CHD2: variants seen among roughly 807,000 people sequenced by gnomAD.
CHD2 encodes ATP-dependent chromatin remodeler CHD2.
In CHD2, 28 loss-of-function variants were observed where a neutral mutation model predicts 243.9. That is an observed-to-expected ratio of 0.11 (90% CI 0.09 to 0.16). CHD2 has a LOEUF of 0.16. Among genes scored for constraint, CHD2 ranks in the 10% least tolerant of loss-of-function variants. The pLI is 1.00. For synonymous variants in CHD2, 775 were observed against 779.0 expected (o/e 0.99, Z 0.09); for missense variants, 1,386 against 2,209.8 (o/e 0.63, Z 7.47).
chr15:92,906,155 T>C lies in CHD2; in HGVS notation c.62+4856T>C, dbSNP rs569100387. Among the ~76,000 whole-genome samples, 26 of 152,326 alleles carry C rather than the reference T, an allele frequency of 1.7e-4. 1 individual carries two copies. Among genetic ancestry groups the C allele is most frequent in the Admixed American group, 1.7e-3 (26 of 15,298 alleles). ...AATTAAGTTTTTTATAGAACCAGTG[T>C]TCTTAGGTATGTTTGTTGAGCCTTC... On this transcript the variant is annotated intron_variant, in intron 2 of 38. Coordinates refer to ENST00000394196, the MANE Select transcript of CHD2 (RefSeq NM_001271.4).
chr15:92,988,808 C>T (rs2054078209), intron 26 of CHD2, among the ~76,000 whole-genome samples: 1 of 151,670 alleles, frequency 6.6e-6, no homozygotes, highest in African/African-American at 2.4e-5. Context: ...ATTTCTATTT[C>T]ACTCTTTAAA....
At chr15:92,922,590 T>C (rs1168766053) in intron 2 of CHD2, among the ~76,000 whole-genome samples, 2 of 152,194 alleles carry the variant, frequency 1.3e-5, no homozygotes, top group African/African-American at 4.8e-5. Context: ...TGATGGTAAA[T>C]ATAGAACTTC....
chr15:92,944,864 T>TAGTGAAGG (rs56101392), intron 10 of CHD2: 31,769 of 156,560 alleles, frequency 0.2, 4,074 homozygotes, highest in Middle Eastern at 0.3. Flanking sequence ...GTGGAGAATA[T>TAGTGAAGG]AGTGAAGGCT....
At chr15:92,928,272 C>T (rs1056690381) in intron 4 of CHD2, among the ~76,000 whole-genome samples, 2 of 152,202 alleles carry the variant, frequency 1.3e-5, no homozygotes, top group Non-Finnish European at 2.9e-5. Context: ...CACTAGGTTA[C>T]TGAGCCATGT....
chr15:93,005,431 T>C (rs370084106), intron 34 of CHD2, among the ~76,000 whole-genome samples: 57 of 152,270 alleles, frequency 3.7e-4, no homozygotes, highest in African/African-American at 1.4e-3. Context: ...TGGCTGGAGC[T>C]GCAGGTATAG....
At chr15:92,927,066 T>A (rs2053076740) in intron 3 of CHD2, among the ~76,000 whole-genome samples, 178 bp from the exon 4 acceptor site, 2 of 152,284 alleles carry the variant, frequency 1.3e-5, no homozygotes, top group South Asian at 4.1e-4. Flanking sequence ...AAACTAATAT[T>A]TCCTAGGATA....
intron 2 of CHD2, chr15:92,921,380 A>G (rs1450989703): frequency 9.2e-5 from 14 of 152,134 alleles, no homozygotes; most frequent in Admixed American, 9.2e-4. Flanking sequence ...ATTGGATGTT[A>G]TCAGTGACCA....
intron 25 of CHD2, among the ~76,000 whole-genome samples, chr15:92,984,869 A>G (rs1350870619): frequency 2.0e-5 from 3 of 152,254 alleles, no homozygotes; most frequent in Non-Finnish European, 4.4e-5. Flanking sequence ...AGCACTTGAT[A>G]TAAATACTTA....
chr15:92,901,894 A>G (rs1391528592), intron 2 of CHD2: 6 of 317,614 alleles, frequency 1.9e-5, no homozygotes, highest in Non-Finnish European at 3.4e-5. Flanking sequence ...TTGACATTTT[A>G]GGAAATTTTG....
At chr15:92,991,665 G>A (rs910195562) in intron 27 of CHD2, 148 bp downstream of exon 27, 1 of 526,918 alleles carries the variant, frequency 1.9e-6, no homozygotes, top group East Asian at 3.3e-5. Flanking sequence ...TATATATTGG[G>A]TGCCTGTTCA....
chr15:92,959,351 T>C (rs1309567292), intron 16 of CHD2, among the ~76,000 whole-genome samples: 2 of 152,266 alleles, frequency 1.3e-5, no homozygotes, highest in Non-Finnish European at 2.9e-5. Context: ...TGAATTGCCT[T>C]GACACTGTTG....
At chr15:92,914,952 T>C (rs1263765424) in intron 2 of CHD2, 4 of 152,196 alleles carry the variant, frequency 2.6e-5, no homozygotes, top group East Asian at 3.9e-4. Flanking sequence ...AACTTCCTTA[T>C]GCCAGCTCAC....
At chr15:92,975,042 A>G (rs2053889531) in intron 20 of CHD2, 92 bp downstream of exon 20, 1 of 1,006,026 alleles carries the variant, frequency 9.9e-7, no homozygotes, top group African/African-American at 1.6e-5. Context: ...TTCAGAAACA[A>G]TTTATAGTGC....
At position 92,908,649 on chromosome 15, in the gene CHD2, G is replaced by A. The variant is rs531230654; in HGVS notation, c.62+7350G>A. On this transcript the variant is annotated intron_variant, in intron 2 of 38. Transcript: ENST00000394196. ...AGCACTTCGTGTACTTTAACCCTTG[G>A]TCTTTCCATTGCCTGTCCCATTTTT... Among the ~76,000 whole-genome samples the A allele has an allele frequency of 2.6e-5, 4 of 152,236 alleles. No homozygotes were observed. The South Asian group carries it at 8.3e-4, about 32-fold the overall frequency.
intron 5 of CHD2, among the ~76,000 whole-genome samples, chr15:92,935,866 C>A (rs575828988): frequency 1.3e-5 from 2 of 151,964 alleles, no homozygotes; most frequent in African/African-American, 4.8e-5. Context: ...ACTAACAGGC[C>A]TTTCTGTCTT....
intron 28 of CHD2, among the ~76,000 whole-genome samples, chr15:92,996,580 T>A (rs1296080924): frequency 6.6e-6 from 1 of 152,176 alleles, no homozygotes; most frequent in African/African-American, 2.4e-5. Flanking sequence ...TTTAAAACAC[T>A]TGAGAGTTTT....
chr15:92,927,155 A>C, intron 3 of CHD2, 89 bp from the exon 4 acceptor site: 1 of 934,464 alleles, frequency 1.1e-6, no homozygotes, highest in Middle Eastern at 2.2e-4. Flanking sequence ...ATACTTGGTT[A>C]CTTGAATTCT....
At chr15:92,953,253 C>A in intron 13 of CHD2, 104 bp from the exon 14 acceptor site, 2 of 836,712 alleles carry the variant, frequency 2.4e-6, no homozygotes, top group Non-Finnish European at 3.9e-6. Context: ...TGACACCTTG[C>A]TTGGCTGTTA....
At chr15:93,009,959 G>A (rs1297745749) in intron 35 of CHD2, among the ~76,000 whole-genome samples, 1 of 152,156 alleles carries the variant, frequency 6.6e-6, no homozygotes, top group Admixed American at 6.5e-5. Context: ...GGTGATTTCC[G>A]AGATTTTGGT....
Sources: gnomAD v4.1 joint callset for allele counts (sites outside exome capture counted in the v4.1 genomes callset) on GRCh38, gnomAD v4.1.1 for gene constraint, MANE v1.5 for transcripts, NCBI Gene and HGNC (gene_info 2026-07-23, HGNC 2026-07-21) for gene names.